Variants in TIAM1 observed in about 807,000 individuals in gnomAD.
TIAM1 encodes rho guanine nucleotide exchange factor TIAM1.
TIAM1 carries 65 observed loss-of-function variants against 163.5 expected under a neutral mutation model. The ratio of observed to expected loss-of-function variants is 0.40; its 90% CI spans 0.33 to 0.49. TIAM1 has a LOEUF of 0.49. Among genes scored for constraint, TIAM1 ranks in the 20% least tolerant of loss-of-function variants. TIAM1 has a pLI of 0.77. For missense variants in TIAM1, 1,789 were observed against 2,044.7 expected, an observed-to-expected ratio of 0.87 and a Z score of 2.41; for synonymous variants, 833 against 810.1, an observed-to-expected ratio of 1.03 and a Z score of -0.48.
At chr21:31,234,871 G>C (rs930962018) in intron 6 of TIAM1, among the ~76,000 whole-genome samples, 1 of 152,094 alleles carries the variant, frequency 6.6e-6, no homozygotes, top group Non-Finnish European at 1.5e-5. Flanking sequence ...TGATGCTAAA[G>C]AGAAAAAAAG....
intron 12 of TIAM1, among the ~76,000 whole-genome samples, chr21:31,202,388 CAA>C (rs11357943): frequency 1.1e-4 from 14 of 128,828 alleles, no homozygotes; most frequent in Admixed American, 2.3e-4. Flanking sequence ...CCTGTCTCTA[CAA>C]AAAAAAAAAA....
intron 1 of TIAM1, among the ~76,000 whole-genome samples, chr21:31,498,688 G>A (rs924665609): frequency 2.0e-5 from 3 of 152,218 alleles, no homozygotes; most frequent in Admixed American, 6.5e-5. Flanking sequence ...GCTCACGCCT[G>A]TACTGCCAGC....
chr21:31,526,409 A>G (rs2147506810), intron 1 of TIAM1, among the ~76,000 whole-genome samples: 1 of 152,306 alleles, frequency 6.6e-6, no homozygotes, highest in East Asian at 1.9e-4. Flanking sequence ...TATTTTATCT[A>G]TGCTCAGGGG....
chr21:31,217,360 T>G (rs750197148), intron 9 of TIAM1, among the ~76,000 whole-genome samples, 193 bp downstream of exon 9: 1 of 152,194 alleles, frequency 6.6e-6, no homozygotes, highest in Non-Finnish European at 1.5e-5. Flanking sequence ...AGCTTGGTGA[T>G]AGACTAATAG....
intron 2 of TIAM1, among the ~76,000 whole-genome samples, chr21:31,371,712 CTGATGT>C (rs2076599300): frequency 6.6e-6 from 1 of 152,202 alleles, no homozygotes. Context: ...TGGCACCTAA[CTGATGT>C]TCCTCACTTG....
At chr21:31,304,209 C>G (rs1402747860) in intron 2 of TIAM1, among the ~76,000 whole-genome samples, 3 of 151,922 alleles carry the variant, frequency 2.0e-5, no homozygotes, top group Non-Finnish European at 1.5e-5. Context: ...AAACTCCAGG[C>G]CAACGTAAAG....
At chr21:31,308,653 T>A (rs554906304) in intron 2 of TIAM1, among the ~76,000 whole-genome samples, 50 of 152,218 alleles carry the variant, frequency 3.3e-4, no homozygotes, top group Non-Finnish European at 6.3e-4. Context: ...ATAATATCCA[T>A]TATAATTTGG....
intron 1 of TIAM1, among the ~76,000 whole-genome samples, chr21:31,510,495 T>C (rs1394407781): frequency 6.6e-6 from 1 of 152,156 alleles, no homozygotes; most frequent in Non-Finnish European, 1.5e-5. Flanking sequence ...ATAGGAAGTT[T>C]TGGGGGAACA....
rs375381328 is a variant in TIAM1 at position 31,120,356 on chromosome 21, C to T, written c.*12G>A. 26 of 1,592,566 alleles carry T rather than the reference C, an allele frequency of 1.6e-5. No individual in the cohort carries two copies. Among genetic ancestry groups the T allele is most frequent in the Non-Finnish European group, 2.2e-5 (26 of 1,168,736 alleles). ...GTATCTACACACATTCTCTACGGGG[C>T]AGGTGACGCAGTCAGATCTCAGTGT... On this transcript the variant is annotated 3_prime_UTR_variant, in exon 28 of 28. Coordinates refer to ENST00000541036, the MANE Select transcript of TIAM1 (RefSeq NM_001353694.2). The surrounding 1 kb of genome is among the most constrained non-coding windows in gnomAD (Gnocchi z 4.2).
intron 1 of TIAM1, among the ~76,000 whole-genome samples, chr21:31,494,569 G>C (rs2046578960): frequency 6.6e-6 from 1 of 152,138 alleles, no homozygotes; most frequent in African/African-American, 2.4e-5. Context: ...AATCAGCCAG[G>C]CACAGTGGCT....
At chr21:31,405,728 C>T (rs1376859963) in intron 2 of TIAM1, among the ~76,000 whole-genome samples, 1 of 152,090 alleles carries the variant, frequency 6.6e-6, no homozygotes, top group African/African-American at 2.4e-5. Flanking sequence ...CGGGAAAGCC[C>T]CGCCCCCATG....
chr21:31,135,804 AG>A (rs1160089761), intron 23 of TIAM1, 128 bp downstream of exon 23: 1 of 813,888 alleles, frequency 1.2e-6, no homozygotes, highest in African/African-American at 1.7e-5. Context: ...TGGCTACGGC[AG>A]GAAGACCGAT....
chr21:31,406,142 C>T (rs2077243640), intron 2 of TIAM1, among the ~76,000 whole-genome samples: 1 of 150,366 alleles, frequency 6.7e-6, no homozygotes, highest in Non-Finnish European at 1.5e-5. Flanking sequence ...CCCCACCCCA[C>T]TCAACACAAA....
rs577383608 is a variant in TIAM1, at chr21:31,514,853, G to A, written c.-422+44074C>T. The stretch of plus-strand genomic sequence containing the variant: ...AGAAAAAGGCCTCCTGCAGCCCGCA[G>A]CTGGGTGGAACCACGGGACAAAGCA... On this transcript the variant is annotated intron_variant, in intron 1 of 28. Transcript: ENST00000286827. Among the ~76,000 whole-genome samples, 475 of 152,344 alleles carry A rather than the reference G, an allele frequency of 3.1e-3. 2 individuals carry two copies. The highest frequency in any genetic ancestry group is 5.2e-3 in the Non-Finnish European group (351 of 68,036).
chr21:31,138,119 A>G (rs560701185), intron 22 of TIAM1, among the ~76,000 whole-genome samples: 1 of 151,938 alleles, frequency 6.6e-6, no homozygotes, highest in Admixed American at 6.6e-5. Flanking sequence ...GGAGGCCTCC[A>G]CCTTACTAAG....
intron 23 of TIAM1, among the ~76,000 whole-genome samples, chr21:31,133,409 A>G (rs1011170095): frequency 1.1e-4 from 17 of 152,200 alleles, no homozygotes; most frequent in African/African-American, 3.6e-4. Context: ...AAGCTGGAGT[A>G]TGCAGTCTCC....
At chr21:31,487,599 G>A (rs112165223) in intron 1 of TIAM1, among the ~76,000 whole-genome samples, 50 of 137,596 alleles carry the variant, frequency 3.6e-4, no homozygotes, top group African/African-American at 1.3e-3. Flanking sequence ...CGCCCAGGCC[G>A]GACTGCGGAC....
chr21:31,120,295 G>A lies in TIAM1; in HGVS notation c.*73C>T, dbSNP rs745321400. 38 of 1,433,160 alleles carry A rather than the reference G, an allele frequency of 2.7e-5. No individual in the cohort carries two copies. The highest frequency in any genetic ancestry group is 3.2e-5 in the Non-Finnish European group (34 of 1,065,350). 88.8% of individuals were successfully genotyped at this position (1,433,160 alleles called of 1,614,324 possible). A position where few individuals can be genotyped will look rare whatever the true frequency, so the allele number is the denominator to read the frequency against. The stretch of plus-strand genomic sequence containing the variant: ...CGCGACCTAAGGGGACATTCTTGTC[G>A]ACGGTACAGGAGGGTGGGCAGAGTT... On this transcript the variant is annotated 3_prime_UTR_variant, in exon 28 of 28. Transcript: ENST00000541036. This position sits in a 1 kb window ranked among gnomAD's most constrained non-coding sequence, Gnocchi z 4.2.
intron 2 of TIAM1, among the ~76,000 whole-genome samples, chr21:31,376,657 G>T (rs766267310): frequency 6.6e-6 from 1 of 151,862 alleles, no homozygotes; most frequent in African/African-American, 2.4e-5. Context: ...CTGTGACATC[G>T]GCCTCAAATA....
Sources: gnomAD v4.1 joint callset for allele counts (sites outside exome capture counted in the v4.1 genomes callset) on GRCh38, gnomAD v4.1.1 for gene constraint, Gnocchi (gnomAD v3.1) non-coding constraint, MANE v1.5 for transcripts, NCBI Gene and HGNC (gene_info 2026-07-23, HGNC 2026-07-21) for gene names.